TLN2: variants seen among roughly 807,000 people sequenced by gnomAD.
TLN2 encodes the protein talin 2.
A neutral mutation model predicts 294.7 loss-of-function variants in TLN2; 118 were observed. The ratio of observed to expected loss-of-function variants is 0.40; its 90% CI spans 0.34 to 0.47. The LOEUF (loss-of-function observed/expected upper bound fraction) is 0.47, where lower values mean the gene tolerates loss of function less well. TLN2 is among the 20% of genes least tolerant of loss of function. The pLI is 0.84. For synonymous variants in TLN2, 1,431 were observed against 1,304.5 expected, an observed-to-expected ratio of 1.10 and a Z score of -2.09; for missense variants, 3,083 against 3,282.2, an observed-to-expected ratio of 0.94 and a Z score of 1.48.
At chr15:62,737,494 T>G (rs926297432) in intron 29 of TLN2, among the ~76,000 whole-genome samples, 1 of 152,206 alleles carries the variant, frequency 6.6e-6, no homozygotes, top group Non-Finnish European at 1.5e-5. Flanking sequence ...CTTTAAATGA[T>G]TCTTCGACTG....
Position 62,675,439 on chromosome 15 carries a change from C to T in TLN2, c.957+118C>T, listed in dbSNP as rs540651173. The T allele has an allele frequency of 1.9e-4, 193 of 1,017,892 alleles. 3 individuals carry two copies. In the South Asian group the frequency reaches 2.4e-3, roughly 13 times the overall value. The allele number at this position is 1,017,892 out of a possible 1,614,324, so 63.1% of individuals were successfully genotyped here. On this transcript the variant is annotated intron_variant, in intron 11 of 58. Coordinates refer to ENST00000636159, the MANE Select transcript of TLN2 (RefSeq NM_015059.3). ...ACCCCCCTAGCATTTGCGGGTGGAA[C>T]ATCTGGCTAGTGCTGACCTGCGTTT...
In TLN2 at chr15:62,841,600, G is replaced by C. The variant is rs1201269384; in HGVS notation, c.*990G>C. 1 of 152,110 alleles carries C rather than the reference G, an allele frequency of 6.6e-6. No homozygotes were observed. The highest frequency in any genetic ancestry group is 6.5e-5 in the Admixed American group (1 of 15,284). 9.4% of individuals were successfully genotyped at this position (152,110 alleles called of 1,614,324 possible). A position where few individuals can be genotyped will look rare whatever the true frequency, so the allele number is the denominator to read the frequency against. ...TCCAACCCAAAACGCCTTTTTTTCT[G>C]TCTTAATATCCAGAAAATCTAAATG... On this transcript the variant is annotated 3_prime_UTR_variant, in exon 59 of 59. Transcript: ENST00000636159.
At chr15:62,440,073 C>G (rs2035476002) in intron 1 of TLN2, among the ~76,000 whole-genome samples, 1 of 152,092 alleles carries the variant, frequency 6.6e-6, no homozygotes, top group African/African-American at 2.4e-5. Context: ...TGTATTTACT[C>G]ATTTTACAGA....
At chr15:62,576,224 A>G (rs978529765) in intron 1 of TLN2, among the ~76,000 whole-genome samples, 1 of 151,864 alleles carries the variant, frequency 6.6e-6, no homozygotes, top group African/African-American at 2.4e-5. Flanking sequence ...AGATCACGCC[A>G]TTGCACTCCA....
intron 1 of TLN2, among the ~76,000 whole-genome samples, chr15:62,423,162 G>T (rs1157221476): frequency 6.6e-6 from 1 of 152,192 alleles, no homozygotes; most frequent in Non-Finnish European, 1.5e-5. Flanking sequence ...GGGAGGCCAA[G>T]GCAGGTGGAT....
chr15:62,631,527 C>CTT (rs1159879948), intron 3 of TLN2, among the ~76,000 whole-genome samples: 5 of 56,112 alleles, frequency 8.9e-5, no homozygotes, highest in Non-Finnish European at 1.7e-4. Flanking sequence ...TCTTCCTTTC[C>CTT]TTTCCTTTCC....
intron 1 of TLN2, among the ~76,000 whole-genome samples, chr15:62,454,603 A>G (rs1042418932): frequency 6.6e-6 from 1 of 152,058 alleles, no homozygotes; most frequent in Non-Finnish European, 1.5e-5. Flanking sequence ...GGGGTACAGC[A>G]CAGGACCCTG....
chr15:62,514,605 G>C (rs2040094308), intron 1 of TLN2, among the ~76,000 whole-genome samples: 1 of 152,162 alleles, frequency 6.6e-6, no homozygotes, highest in African/African-American at 2.4e-5. Flanking sequence ...TTTTGACAGA[G>C]GGAAAGAAAG....
At chr15:62,623,620 G>A (rs1353268984) in intron 3 of TLN2, among the ~76,000 whole-genome samples, 1 of 152,166 alleles carries the variant, frequency 6.6e-6, no homozygotes, top group African/African-American at 2.4e-5. Context: ...GGTGTTGACA[G>A]TATTCCTGGA....
chr15:62,535,994 C>T (rs148884023), intron 1 of TLN2, among the ~76,000 whole-genome samples: 2 of 152,328 alleles, frequency 1.3e-5, no homozygotes, highest in African/African-American at 2.4e-5. Flanking sequence ...CACAAATGTA[C>T]TTTTGGAGTT....
chr15:62,622,691 C>T (rs1443005868), intron 3 of TLN2, among the ~76,000 whole-genome samples: 1 of 152,140 alleles, frequency 6.6e-6, no homozygotes, highest in African/African-American at 2.4e-5. Context: ...CATACATTCA[C>T]TGAGTTAAAT....
chr15:62,588,641 A>C (rs954029625), intron 1 of TLN2, among the ~76,000 whole-genome samples: 2 of 137,938 alleles, frequency 1.4e-5, no homozygotes, highest in African/African-American at 5.2e-5. Context: ...TTAAAAAAAA[A>C]TACATATATA....
At chr15:62,582,241 C>CACACACACACACACACAT (rs2045164262) in intron 1 of TLN2, among the ~76,000 whole-genome samples, 1 of 146,506 alleles carries the variant, frequency 6.8e-6, no homozygotes, top group Non-Finnish European at 1.5e-5. Flanking sequence ...CACACACACA[C>CACACACACACACACACAT]ACACACATTC....
chr15:62,628,950 A>G (rs942238610), intron 3 of TLN2, among the ~76,000 whole-genome samples: 3 of 152,198 alleles, frequency 2.0e-5, no homozygotes, highest in Admixed American at 6.5e-5. Flanking sequence ...TGGGAGGCCA[A>G]GGTGGGAGGT....
chr15:62,765,725 A>G (rs561058832), intron 40 of TLN2, among the ~76,000 whole-genome samples: 15 of 152,326 alleles, frequency 9.8e-5, no homozygotes, highest in African/African-American at 1.9e-4. Context: ...GGGTGAAGAG[A>G]TTAAACCATC....
At chr15:62,742,986 C>T (rs1044392401) in intron 32 of TLN2, among the ~76,000 whole-genome samples, 3 of 152,128 alleles carry the variant, frequency 2.0e-5, no homozygotes, top group South Asian at 2.1e-4. Context: ...ATGTGGGTGA[C>T]GCCCAGTGCT....
At chr15:62,703,582 A>G (rs1385207149) in intron 19 of TLN2, among the ~76,000 whole-genome samples, 2 of 151,568 alleles carry the variant, frequency 1.3e-5, no homozygotes, top group East Asian at 1.9e-4. Flanking sequence ...CCTCATAAAC[A>G]TGAAGTTTAT....
intron 1 of TLN2, among the ~76,000 whole-genome samples, chr15:62,416,680 G>A (rs1017855020): frequency 1.3e-5 from 2 of 152,132 alleles, no homozygotes; most frequent in African/African-American, 2.4e-5. Context: ...AAGCCATTGC[G>A]AGAGAGGCTT....
intron 9 of TLN2, among the ~76,000 whole-genome samples, chr15:62,667,951 C>T (rs2054918402): frequency 6.6e-6 from 1 of 152,110 alleles, no homozygotes; most frequent in African/African-American, 2.4e-5. Context: ...ATAAGCCACA[C>T]AGAGAAATGA....
Sources: allele counts gnomAD v4.1 joint callset (sites outside exome capture counted in the v4.1 genomes callset), GRCh38; gene constraint gnomAD v4.1.1; transcripts MANE v1.5; gene names NCBI Gene and HGNC (gene_info 2026-07-23, HGNC 2026-07-21).